Variants in KCNK5 observed in about 807,000 individuals in gnomAD.
KCNK5 encodes potassium two pore domain channel subfamily K member 5, also known as potassium channel subfamily K member 5.
In KCNK5, 18 loss-of-function variants were observed where a neutral mutation model predicts 32.9. The ratio of observed to expected loss-of-function variants is 0.55; its 90% CI spans 0.38 to 0.81. KCNK5 has a LOEUF of 0.81. KCNK5 is among the 30% of genes least tolerant of loss of function. KCNK5 has a pLI of 0.00. For missense variants in KCNK5, 507 were observed against 651.0 expected (o/e 0.78, Z 2.41); for synonymous variants, 276 against 275.3 (o/e 1.00, Z -0.03).
At chr6:39,207,877 T>C (rs1771257741) in intron 1 of KCNK5, among the ~76,000 whole-genome samples, 1 of 152,122 alleles carries the variant, frequency 6.6e-6, no homozygotes, top group African/African-American at 2.4e-5. Flanking sequence ...CCACCGCCAA[T>C]ACCGCCAGAC....
rs115197616 is a variant in KCNK5, at chr6:39,218,716, A to G, written c.186+10210T>C. On this transcript the variant is annotated intron_variant, in intron 1 of 4. Coordinates refer to ENST00000359534, the MANE Select transcript of KCNK5 (RefSeq NM_003740.4). ...GGGTGGTGTACCTGGTGCTGCTGGCAACACCCTGCAAATACTTCTGCTCCT... is the reference window on the plus strand; with the variant it reads ...GGGTGGTGTACCTGGTGCTGCTGGCGACACCCTGCAAATACTTCTGCTCCT... Among the ~76,000 whole-genome samples the G allele has an allele frequency of 1.6e-3, 241 of 152,252 alleles. 2 individuals carry two copies. The highest frequency in any genetic ancestry group is 5.6e-3 in the African/African-American group (231 of 41,550).
intron 1 of KCNK5, among the ~76,000 whole-genome samples, chr6:39,204,873 T>C (rs953392817): frequency 3.9e-5 from 6 of 152,206 alleles, no homozygotes; most frequent in African/African-American, 1.4e-4. Flanking sequence ...GAGGCACTGC[T>C]AGGTCTCACG....
intron 1 of KCNK5, among the ~76,000 whole-genome samples, chr6:39,200,149 G>C (rs1340799936): frequency 6.6e-6 from 1 of 152,224 alleles, no homozygotes; most frequent in African/African-American, 2.4e-5. Flanking sequence ...CTCGGGGTTA[G>C]GGAAACAGCT....
rs145491073 is a variant in KCNK5, at chr6:39,204,276, G to A, written c.187-8289C>T. ...GCTGGAGGCTTTGGTGTGCTAGGAC[G>A]TCGGCGCAGGGCCTAAAAACCCAGG... On this transcript the variant is annotated intron_variant, in intron 1 of 4. Transcript: ENST00000359534. Among the ~76,000 whole-genome samples, 67 of 152,342 alleles carry A rather than the reference G, an allele frequency of 4.4e-4. No individual in the cohort carries two copies. In the East Asian group the frequency reaches 0.011, roughly 24 times the overall value.
In KCNK5 at chr6:39,194,277, C is replaced by T; in HGVS notation, c.526G>A (p.Val176Met). ...FIVWGVLVHLVIPPFVFMVTE... is the reference protein window; with the variant it reads ...FIVWGVLVHLMIPPFVFMVTE... ...ACCATGAATACGAAGGGTGGGATCA[C>T]CAGGTGGACTAGGACGCCCCACACG... The change falls in exon 4 of 5, where the codon GTG (valine) becomes ATG (methionine). Residue 176 changes from valine (V) to methionine (M), a missense_variant. Transcript: ENST00000359534. The surrounding 1 kb of genome is among the most constrained non-coding windows in gnomAD (Gnocchi z 4.7). 1 of 1,614,024 alleles carries T rather than the reference C, an allele frequency of 6.2e-7. No homozygotes were observed. Among genetic ancestry groups the T allele is most frequent in the Non-Finnish European group, 8.5e-7 (1 of 1,179,962 alleles).
chr6:39,227,110 G>A (rs570711055), intron 1 of KCNK5, among the ~76,000 whole-genome samples: 1 of 83,898 alleles, frequency 1.2e-5, no homozygotes, highest in Non-Finnish European at 2.5e-5. Context: ...CCTGGACCCC[G>A]CCCCCCCCGC....
At chr6:39,220,219 G>A (rs936939087) in intron 1 of KCNK5, among the ~76,000 whole-genome samples, 1 of 152,200 alleles carries the variant, frequency 6.6e-6, no homozygotes, top group African/African-American at 2.4e-5. Flanking sequence ...CAGGGGGCAA[G>A]CATCCCCGCT....
intron 4 of KCNK5, among the ~76,000 whole-genome samples, chr6:39,192,347 T>C (rs900349199): frequency 6.8e-6 from 1 of 147,684 alleles, no homozygotes; most frequent in Non-Finnish European, 1.5e-5. Context: ...TAAAGGGGCT[T>C]TGGGGGACTG....
chr6:39,203,695 G>A (rs1355663161), intron 1 of KCNK5, among the ~76,000 whole-genome samples: 2 of 152,214 alleles, frequency 1.3e-5, no homozygotes, highest in African/African-American at 4.8e-5. Flanking sequence ...GGTACAGGCT[G>A]CCCAGTAGAT....
intron 1 of KCNK5, among the ~76,000 whole-genome samples, chr6:39,217,118 C>CAAAAAAAAAAAAAAAAA (rs57204833): frequency 1.5e-4 from 11 of 74,432 alleles, no homozygotes; most frequent in East Asian, 4.8e-4. Flanking sequence ...AAAACTCCAT[C>CAAAAAAAAAAAAAAAAA]AAAAAAAAAA....
At chr6:39,216,529 A>T (rs1771441475) in intron 1 of KCNK5, among the ~76,000 whole-genome samples, 1 of 152,076 alleles carries the variant, frequency 6.6e-6, no homozygotes, top group African/African-American at 2.4e-5. Context: ...GCAATTTAGG[A>T]TACGGCAGCC....
chr6:39,225,341 C>T (rs530162017), intron 1 of KCNK5, among the ~76,000 whole-genome samples: 24 of 152,148 alleles, frequency 1.6e-4, no homozygotes, highest in Non-Finnish European at 2.5e-4. Context: ...GTTACACTGG[C>T]TTTTCCCCTA....
chr6:39,191,434 C>T lies in KCNK5; in HGVS notation c.956G>A (p.Gly319Glu), dbSNP rs550951751. ...GKKAMKTSGG[G>E]ETGPGPGLGP... is the part of the protein sequence containing the mutation. ...CAGCCCTGGGCCCGGGCCCGTCTCC[C>T]CACCCCCGCTTGTCTTCATGGCCTT... Residue 319 changes from glycine (G) to glutamate (E), a missense_variant, in exon 5 of 5, where the codon GGG becomes GAG. By Grantham distance (98) the Gly-to-Glu change is moderately conservative. This residue lies in a region of KCNK5 where 252 missense variants were observed against 250.8 expected (regional missense o/e 1.00). Coordinates refer to ENST00000359534, the MANE Select transcript of KCNK5 (RefSeq NM_003740.4). This position sits in a 1 kb window ranked among gnomAD's most constrained non-coding sequence, Gnocchi z 5.8. 2 of 1,613,268 alleles carry T rather than the reference C, an allele frequency of 1.2e-6. No individual in the cohort carries two copies. Among genetic ancestry groups the T allele is most frequent in the African/African-American group, 1.3e-5 (1 of 74,990 alleles).
intron 1 of KCNK5, among the ~76,000 whole-genome samples, chr6:39,217,872 C>G (rs12523709): frequency 3.9e-5 from 6 of 152,252 alleles, no homozygotes; most frequent in Admixed American, 3.9e-4. Flanking sequence ...GAAAAACATC[C>G]TCCTTTCCCA....
In KCNK5 at chr6:39,191,793, G is replaced by C; in HGVS notation, c.635-38C>G. The C allele has an allele frequency of 1.1e-5, 18 of 1,586,378 alleles. No homozygotes were observed. Among genetic ancestry groups the C allele is most frequent in the Non-Finnish European group, 1.5e-5 (18 of 1,164,868 alleles). Reference sequence around the variant, plus strand: ...GCAGTCCAGAGGTCAGGAAGAGTTAGCAGGGCCCGGGAAATGTGCAATGGC... The same window carrying C: ...GCAGTCCAGAGGTCAGGAAGAGTTACCAGGGCCCGGGAAATGTGCAATGGC... On this transcript the variant is annotated intron_variant, in intron 4 of 4. Coordinates refer to ENST00000359534, the MANE Select transcript of KCNK5 (RefSeq NM_003740.4). The surrounding 1 kb of genome is among the most constrained non-coding windows in gnomAD (Gnocchi z 5.8).
At chr6:39,207,844 G>A (rs1364577649) in intron 1 of KCNK5, among the ~76,000 whole-genome samples, 1 of 152,104 alleles carries the variant, frequency 6.6e-6, no homozygotes, top group Non-Finnish European at 1.5e-5. Flanking sequence ...CCCCCTTGCC[G>A]GGGGCTCTAA....
chr6:39,212,528 C>G (rs765285936), intron 1 of KCNK5, among the ~76,000 whole-genome samples: 1 of 152,174 alleles, frequency 6.6e-6, no homozygotes, highest in African/African-American at 2.4e-5. Context: ...TGTGCTGTTT[C>G]AAGTCTTGCC....
intron 1 of KCNK5, among the ~76,000 whole-genome samples, chr6:39,224,086 C>T (rs1252567670): frequency 1.4e-5 from 2 of 142,502 alleles, no homozygotes; most frequent in Non-Finnish European, 3.0e-5. Flanking sequence ...CAGACTAAGG[C>T]TTTTTTTTTT....
At chr6:39,225,728 T>C (rs2113800530) in intron 1 of KCNK5, among the ~76,000 whole-genome samples, 1 of 152,324 alleles carries the variant, frequency 6.6e-6, no homozygotes, top group East Asian at 1.9e-4. Context: ...ACCAATTTCC[T>C]AAGCTCAGTT....
Sources: allele counts gnomAD v4.1 joint callset (sites outside exome capture counted in the v4.1 genomes callset), GRCh38; gene constraint gnomAD v4.1.1; regional missense constraint gnomAD v4.1.1; non-coding constraint Gnocchi (gnomAD v3.1); transcripts MANE v1.5; gene names NCBI Gene and HGNC (gene_info 2026-07-23, HGNC 2026-07-21).